GUF1: variants seen among roughly 807,000 people sequenced by gnomAD.
GUF1 encodes the protein GTP binding elongation factor GUF1, also known as translation factor GUF1, mitochondrial.
A neutral mutation model predicts 82.4 loss-of-function variants in GUF1; 78 were observed. The ratio of observed to expected loss-of-function variants is 0.95; its 90% confidence interval spans 0.79 to 1.14. The LOEUF (loss-of-function observed/expected upper bound fraction) is 1.14. GUF1 is among the 50% of genes most tolerant of loss of function. GUF1 has a pLI of 0.00. For synonymous variants in GUF1, 279 were observed against 282.3 expected, an observed-to-expected ratio of 0.99 and a Z score of 0.12; for missense variants, 814 against 798.2, an observed-to-expected ratio of 1.02 and a Z score of -0.24.
chr4:44,679,210 G>A (rs1308926648), intron 1 of GUF1, among the ~76,000 whole-genome samples: 1 of 152,176 alleles, frequency 6.6e-6, no homozygotes. Flanking sequence ...GTTGAATGCA[G>A]AACTGATCAA....
In GUF1 at chr4:44,682,419, C is replaced by T; in HGVS notation, c.585+8C>T. 1 of 1,445,166 alleles carries T rather than the reference C, an allele frequency of 6.9e-7. No homozygotes were observed. Among genetic ancestry groups the T allele is most frequent in the Non-Finnish European group, 9.3e-7 (1 of 1,074,470 alleles). 89.5% of individuals were successfully genotyped at this position (1,445,166 alleles called of 1,614,324 possible). On this transcript the variant is annotated splice_region_variant and intron_variant, in intron 5 of 16. Coordinates refer to ENST00000281543, the MANE Select transcript of GUF1 (RefSeq NM_021927.3). ...ATTCCAGTTATAAATAAGGTAATTA[C>T]AATGAGACAACAGTGTTGCTATTTC...
chr4:44,691,684 A>G lies in GUF1; in HGVS notation c.1498A>G (p.Lys500Glu). ...MLCEARRAVQ[K>E]NMIFIDQNRV... is the part of the protein sequence containing the mutation. Reference sequence around the variant, plus strand: ...TTTTTAGGCTCGAAGAGCAGTTCAGAAGAATATGATATTTATTGATCAAAA... The same window carrying G: ...TTTTTAGGCTCGAAGAGCAGTTCAGGAGAATATGATATTTATTGATCAAAA... Residue 500 changes from lysine to glutamate, a missense_variant, in exon 13 of 17, where the codon AAG becomes GAG. Transcript: ENST00000281543. 2.5e-6 allele frequency: 4 copies of G among 1,593,162 alleles called. No homozygotes were observed. Among genetic ancestry groups the G allele is most frequent in the Non-Finnish European group, 3.4e-6 (4 of 1,168,300 alleles).
chr4:44,690,926 C>A, intron 12 of GUF1, 66 bp downstream of exon 12: 1 of 1,226,862 alleles, frequency 8.2e-7, no homozygotes, highest in Non-Finnish European at 1.1e-6. Flanking sequence ...ATTTCCAACT[C>A]AGGTTTTAAA....
At chr4:44,684,920 T>A (rs1332838353) in intron 6 of GUF1, among the ~76,000 whole-genome samples, 1 of 152,112 alleles carries the variant, frequency 6.6e-6, no homozygotes, top group African/African-American at 2.4e-5. Flanking sequence ...TCCAGTAATG[T>A]TAAGCTGTTC....
intron 6 of GUF1, 124 bp from the exon 7 acceptor site, chr4:44,685,835 G>GT: frequency 1.7e-6 from 1 of 601,990 alleles, no homozygotes; most frequent in South Asian, 1.9e-5. Flanking sequence ...TCCTTTTGGT[G>GT]TATTTCTCAA....
At position 44,688,084 on chromosome 4, in the gene GUF1, T is replaced by G; in HGVS notation, c.1016T>G (p.Leu339Ter). The change falls in exon 9 of 17, where the codon TTA becomes TGA. Residue 339 changes from leucine (L) to a stop codon, truncating the protein, a stop_gained. Coordinates refer to ENST00000281543, the MANE Select transcript of GUF1 (RefSeq NM_021927.3). LOFTEE classifies it high-confidence loss of function. ...GCGCAAATAGGAGATACATTATGTT[T>G]ACATAAGCAACCAGTGGAGCCCTTG... ...TEAQIGDTLCLHKQPVEPLPG... is the reference protein window; with the variant it reads ...TEAQIGDTLC 1 of 1,612,476 alleles carries G rather than the reference T, an allele frequency of 6.2e-7. No homozygotes were observed. Among genetic ancestry groups the G allele is most frequent in the Non-Finnish European group, 8.5e-7 (1 of 1,178,792 alleles).
chr4:44,680,841 C>A lies in GUF1; in HGVS notation c.425C>A (p.Pro142Gln). Reference protein sequence around the residue: ...KQYLLNLIDTPGHVDFSYEVS... With the variant: ...KQYLLNLIDTQGHVDFSYEVS... ...TACCTTTTAAATCTCATTGATACACCGGTAAGTTTAATATTAATTTTGCAT... is the reference window on the plus strand; with the variant it reads ...TACCTTTTAAATCTCATTGATACACAGGTAAGTTTAATATTAATTTTGCAT... Residue 142 changes from proline (P) to glutamine (Q), a missense_variant and splice_region_variant, in exon 3 of 17, where the codon CCG becomes CAG. Physicochemically the swap from Pro to Gln is moderately conservative, Grantham distance 76 (BLOSUM62 -1). Transcript: ENST00000281543. 1.9e-6 allele frequency: 3 copies of A among 1,600,248 alleles called. No individual in the cohort carries two copies. Among genetic ancestry groups the A allele is most frequent in the Non-Finnish European group, 2.6e-6 (3 of 1,172,562 alleles).
intron 5 of GUF1, 49 bp downstream of exon 5, chr4:44,682,460 A>C (rs2109634943): frequency 1.0e-6 from 1 of 971,428 alleles, no homozygotes; most frequent in East Asian, 2.8e-5. Context: ...CTAAAAGTAC[A>C]ATTAATGTTT....
intron 6 of GUF1, among the ~76,000 whole-genome samples, chr4:44,685,387 C>A (rs1484850541): frequency 2.6e-5 from 4 of 152,026 alleles, no homozygotes; most frequent in Non-Finnish European, 4.4e-5. Context: ...AAATCCTAGT[C>A]TAGAGTGAAT....
At chr4:44,683,766 C>T (rs924960093) in intron 6 of GUF1, among the ~76,000 whole-genome samples, 3 of 152,004 alleles carry the variant, frequency 2.0e-5, no homozygotes, top group Non-Finnish European at 4.4e-5. Flanking sequence ...TGCTAGGAAA[C>T]AATAGATTTT....
Position 44,683,286 on chromosome 4 carries a change from G to C in GUF1, c.637G>C (p.Val213Leu). The change falls in exon 6 of 17, where the codon GTG becomes CTG. Residue 213 changes from valine (V) to leucine (L), a missense_variant. Transcript: ENST00000281543. ...AAGGGTTGAAAACCAAATTGAGAAA[G>C]TGTTTGATATTCCAAGTGATGAATG... ...PERVENQIEK[V>L]FDIPSDECIK... 3 of 1,584,582 alleles carry C rather than the reference G, an allele frequency of 1.9e-6. No homozygotes were observed. The highest frequency in any genetic ancestry group is 2.6e-6 in the Non-Finnish European group (3 of 1,166,222).
In GUF1 at chr4:44,689,867, C is replaced by T. The variant is rs1267644418; in HGVS notation, c.1227C>T (p.His409=). The change falls in exon 11 of 17, where the codon CAC becomes CAT. Residue 409 remains histidine (H), a synonymous_variant. Transcript: ENST00000281543. The stretch of plus-strand genomic sequence containing the variant: ...GGCTAGGATTTCTTGGACTTTTGCA[C>T]ATGGAAGTTTTCAACCAGCGACTGG... ...GWRLGFLGLL[H]MEVFNQRLEQ... 1.9e-6 allele frequency: 3 copies of T among 1,604,046 alleles called. No homozygotes were observed. Among genetic ancestry groups the T allele is most frequent in the Non-Finnish European group, 2.6e-6 (3 of 1,173,724 alleles).
At position 44,682,423 on chromosome 4, in the gene GUF1, G is replaced by T; in HGVS notation, c.585+12G>T. Reference sequence around the variant, plus strand: ...CAGTTATAAATAAGGTAATTACAATGAGACAACAGTGTTGCTATTTCACTT... The same window carrying T: ...CAGTTATAAATAAGGTAATTACAATTAGACAACAGTGTTGCTATTTCACTT... On this transcript the variant is annotated intron_variant, in intron 5 of 16. Transcript: ENST00000281543. The T allele has an allele frequency of 7.1e-7, 1 of 1,416,038 alleles. No individual in the cohort carries two copies. Among genetic ancestry groups the T allele is most frequent in the South Asian group, 1.4e-5 (1 of 71,088 alleles). The allele number at this position is 1,416,038 out of a possible 1,614,324, so 87.7% of individuals were successfully genotyped here.
intron 11 of GUF1, 38 bp from the exon 12 acceptor site, chr4:44,690,679 T>A: frequency 8.2e-7 from 1 of 1,224,880 alleles, no homozygotes; most frequent in South Asian, 1.4e-5. Flanking sequence ...AATCATTATA[T>A]TAAGATTTTA....
intron 11 of GUF1, among the ~76,000 whole-genome samples, 175 bp downstream of exon 11, chr4:44,690,150 T>TAGTGCCCAAAG (rs1385675580): frequency 1.9e-5 from 2 of 104,970 alleles, no homozygotes; most frequent in African/African-American, 5.5e-5. Flanking sequence ...CTATGGCTAA[T>TAGTGCCCAAAG]GATGAAGAAC....
chr4:44,694,483 C>G lies in GUF1; in HGVS notation c.1685C>G (p.Thr562Ser). ...VKMDILLNGN[T>S]VEELVTVVHK... ...ATGGATATTCTACTGAATGGAAATA[C>G]TGTAGAGGAGCTAGTAACTGTTGTA... Residue 562 changes from threonine to serine, a missense_variant, in exon 14 of 17, where the codon ACT (threonine) becomes AGT (serine). By Grantham distance (58) the Thr-to-Ser change is moderately conservative. Coordinates refer to ENST00000281543, the MANE Select transcript of GUF1 (RefSeq NM_021927.3). The G allele has an allele frequency of 6.2e-7, 1 of 1,605,554 alleles. No homozygotes were observed.
chr4:44,694,010 G>A (rs1203505014), intron 13 of GUF1: 2 of 170,664 alleles, frequency 1.2e-5, no homozygotes, highest in Non-Finnish European at 1.2e-5. Flanking sequence ...TTTAAACATA[G>A]AGTTGTCATT....
rs752675555 is a variant in GUF1, at chr4:44,686,696, G to A, written c.921G>A (p.Glu307=). The A allele has an allele frequency of 1.2e-6, 2 of 1,604,728 alleles. No homozygotes were observed. The highest frequency in any genetic ancestry group is 1.7e-6 in the Non-Finnish European group (2 of 1,172,170). ...AAGTAGGAGTCTTGAATCCTAATGAGCAGCCAACTCATAAATTGTAAGTAA... is the reference window on the plus strand; with the variant it reads ...AAGTAGGAGTCTTGAATCCTAATGAACAGCCAACTCATAAATTGTAAGTAA... ...VNEVGVLNPN[E]QPTHKLYAGQ... is the part of the protein sequence containing the mutation. Residue 307 remains glutamate (E), a synonymous_variant, in exon 8 of 17, where the codon GAG becomes GAA. Transcript: ENST00000281543.
chr4:44,682,473 A>T, intron 5 of GUF1, 62 bp downstream of exon 5: 1 of 865,302 alleles, frequency 1.2e-6, no homozygotes, highest in Non-Finnish European at 1.7e-6. Flanking sequence ...TAATGTTTAA[A>T]TGTCAGTTGT....
Sources: gnomAD v4.1 joint callset for allele counts (sites outside exome capture counted in the v4.1 genomes callset) on GRCh38, gnomAD v4.1.1 for gene constraint, MANE v1.5 for transcripts, NCBI Gene and HGNC (gene_info 2026-07-23, HGNC 2026-07-21) for gene names.